PTGR1: variants seen among roughly 807,000 people sequenced by gnomAD.
PTGR1 encodes the protein prostaglandin reductase 1.
PTGR1 carries 23 observed loss-of-function variants against 37.7 expected under a neutral mutation model. The observed-to-expected ratio is 0.61, with a 90% confidence interval of 0.44 to 0.86. The LOEUF (loss-of-function observed/expected upper bound fraction) is 0.86, where lower values mean the gene tolerates loss of function less well. Among genes scored for constraint, PTGR1 ranks in the 40% least tolerant of loss-of-function variants. The probability of loss-of-function intolerance (pLI) is 0.00; values close to 1 mark genes in which losing one functional copy is unlikely to be tolerated. For missense variants in PTGR1, 351 were observed against 394.3 expected (o/e 0.89, Z 0.93); for synonymous variants, 134 against 140.0 (o/e 0.96, Z 0.30).
In PTGR1 at chr9:111,587,227, G is replaced by C. The variant is rs1034628668; in HGVS notation, c.210-1062C>G. ...TCCTCCTCTAAGCTGCACCCTTTCT[G>C]TCTCATTTACTGATTCCCTTTTCTT... On this transcript the variant is annotated intron_variant, in intron 4 of 9. Coordinates refer to ENST00000407693, the MANE Select transcript of PTGR1 (RefSeq NM_001146108.2). Among the ~76,000 whole-genome samples, 10 of 152,122 alleles carry C rather than the reference G, an allele frequency of 6.6e-5. No homozygotes were observed. The East Asian group carries it at 1.7e-3, about 26-fold the overall frequency.
intron 9 of PTGR1, among the ~76,000 whole-genome samples, chr9:111,553,817 A>G (rs1320054981): frequency 6.6e-6 from 1 of 152,266 alleles, no homozygotes; most frequent in Non-Finnish European, 1.5e-5. Context: ...TGACTACCAT[A>G]TTAAGTTGCT....
intron 9 of PTGR1, among the ~76,000 whole-genome samples, chr9:111,556,848 T>C (rs991698425): frequency 2.0e-5 from 3 of 152,242 alleles, no homozygotes; most frequent in Non-Finnish European, 4.4e-5. Context: ...CAGCCATGCT[T>C]CCTGTATAGC....
intron 9 of PTGR1, among the ~76,000 whole-genome samples, chr9:111,550,144 T>G (rs1407138206): frequency 3.3e-5 from 5 of 152,226 alleles, no homozygotes; most frequent in Non-Finnish European, 5.9e-5. Context: ...GTTGAATGCC[T>G]AAAGTTGTCT....
chr9:111,564,288 T>C, intron 9 of PTGR1: 1 of 560,938 alleles, frequency 1.8e-6, no homozygotes, highest in Non-Finnish European at 2.3e-6. Flanking sequence ...TTATTATTAT[T>C]ATTATTATTA....
chr9:111,552,470 C>T (rs1177597218), intron 9 of PTGR1, among the ~76,000 whole-genome samples: 1 of 152,184 alleles, frequency 6.6e-6, no homozygotes, highest in African/African-American at 2.4e-5. Flanking sequence ...TATCCTCTTG[C>T]TTTAAAATTC....
At chr9:111,594,411 G>C in intron 2 of PTGR1, 144 bp from the exon 3 acceptor site, 2 of 715,500 alleles carry the variant, frequency 2.8e-6, no homozygotes, top group Non-Finnish European at 4.9e-6. Context: ...CTGCCTGGGT[G>C]ACAGGATCAT....
chr9:111,576,538 G>A (rs1273916388), intron 7 of PTGR1: 6 of 1,309,400 alleles, frequency 4.6e-6, no homozygotes, highest in African/African-American at 1.5e-5. Flanking sequence ...TCCCAACTCT[G>A]GGGGTATTAG....
intron 9 of PTGR1, among the ~76,000 whole-genome samples, chr9:111,552,131 G>T (rs1045156343): frequency 6.6e-6 from 1 of 152,156 alleles, no homozygotes; most frequent in Admixed American, 6.5e-5. Context: ...GAATCACAGT[G>T]CTACTTTTTG....
At chr9:111,554,486 C>T (rs1044631858) in intron 9 of PTGR1, among the ~76,000 whole-genome samples, 17 of 152,196 alleles carry the variant, frequency 1.1e-4, no homozygotes, top group African/African-American at 4.1e-4. Flanking sequence ...CAGTAGCCCC[C>T]TTATCCATGG....
intron 9 of PTGR1, among the ~76,000 whole-genome samples, chr9:111,569,267 C>G (rs1420934577): frequency 2.0e-5 from 3 of 152,072 alleles, no homozygotes; most frequent in African/African-American, 7.2e-5. Context: ...TCCCAGTGAC[C>G]ATGACCTGGG....
chr9:111,574,981 A>G, intron 7 of PTGR1, 139 bp from the exon 8 acceptor site: 1 of 638,158 alleles, frequency 1.6e-6, no homozygotes, highest in South Asian at 2.1e-5. Context: ...AGTGCAGAAG[A>G]CTGCAGTTAG....
In PTGR1 at chr9:111,594,113, A is replaced by G. The variant is rs569028095; in HGVS notation, c.152+109T>C. 3,663 of 1,164,564 alleles carry G rather than the reference A, an allele frequency of 3.1e-3. 10 individuals carry two copies. Among genetic ancestry groups the G allele is most frequent in the Non-Finnish European group, 3.9e-3 (3,092 of 788,536 alleles). 72.1% of individuals were successfully genotyped at this position (1,164,564 alleles called of 1,614,324 possible). On this transcript the variant is annotated intron_variant, in intron 3 of 9. Coordinates refer to ENST00000407693, the MANE Select transcript of PTGR1 (RefSeq NM_001146108.2). ...ATCACTGATACTGGCTGGGAGAAAC[A>G]GAAGGAAAGTGACAATGTTTTAAGT...
intron 9 of PTGR1, among the ~76,000 whole-genome samples, chr9:111,554,167 C>G (rs1828052922): frequency 6.6e-6 from 1 of 152,162 alleles, no homozygotes; most frequent in African/African-American, 2.4e-5. Flanking sequence ...CAAACTACTA[C>G]TATTATGTTA....
At chr9:111,567,607 A>G (rs1391761527) in intron 9 of PTGR1, among the ~76,000 whole-genome samples, 1 of 152,206 alleles carries the variant, frequency 6.6e-6, no homozygotes, top group African/African-American at 2.4e-5. Flanking sequence ...AATCAGAGAG[A>G]TATCAGGGGT....
intron 9 of PTGR1, among the ~76,000 whole-genome samples, chr9:111,566,930 C>T (rs942740782): frequency 2.0e-5 from 3 of 151,728 alleles, no homozygotes; most frequent in Non-Finnish European, 4.4e-5. Flanking sequence ...CTACGAAAAA[C>T]ACAAAAAAAC....
rs764633533 is a variant in PTGR1, at chr9:111,574,839, C to T, written c.655G>A (p.Gly219Ser). The change falls in exon 8 of 10, where the codon GGT becomes AGT. Residue 219 changes from glycine to serine, a missense_variant. Physicochemically the swap from Gly to Ser is moderately conservative, Grantham distance 56 (BLOSUM62 0). Coordinates refer to ENST00000407693, the MANE Select transcript of PTGR1 (RefSeq NM_001146108.2). ...ATAACAGTGTTTGAAAACTCTCCAC[C>T]TACCTAAACAGATAGCAAAGACAAA... The part of the protein sequence containing the change: ...DGYDCYFDNV[G>S]GEFSNTVIGQ... 1.7e-5 allele frequency: 28 copies of T among 1,608,470 alleles called. No homozygotes were observed. The East Asian group carries it at 5.8e-4, about 33-fold the overall frequency.
intron 3 of PTGR1, 123 bp downstream of exon 3, chr9:111,594,099 T>C: frequency 9.5e-7 from 1 of 1,048,008 alleles, no homozygotes; most frequent in East Asian, 2.5e-5. Context: ...TCACTGATAC[T>C]GGCTGGGAGA....
chr9:111,594,512 A>G (rs1415686433), intron 2 of PTGR1, among the ~76,000 whole-genome samples: 1 of 151,592 alleles, frequency 6.6e-6, no homozygotes, highest in East Asian at 1.9e-4. Flanking sequence ...GAAGAAAAAA[A>G]CGGAACTCAA....
intron 2 of PTGR1, among the ~76,000 whole-genome samples, chr9:111,596,781 G>A (rs928471527): frequency 6.6e-6 from 1 of 151,352 alleles, no homozygotes; most frequent in African/African-American, 2.4e-5. Context: ...ACAAAAATTA[G>A]GGGGGCATGG....
Sources: gnomAD v4.1 joint callset for allele counts (sites outside exome capture counted in the v4.1 genomes callset) on GRCh38, gnomAD v4.1.1 for gene constraint, MANE v1.5 for transcripts, NCBI Gene and HGNC (gene_info 2026-07-23, HGNC 2026-07-21) for gene names.